The following CNTNAP5 variants were observed in gnomAD, a reference collection of about 807,000 sequenced individuals.
CNTNAP5 encodes the protein contactin associated protein family member 5.
CNTNAP5 carries 72 observed loss-of-function variants against 150.2 expected under a neutral mutation model. The observed-to-expected ratio is 0.48, with a 90% CI of 0.40 to 0.58. CNTNAP5 has a LOEUF of 0.58. Ranked by LOEUF, CNTNAP5 falls within the 20% of genes least tolerant of loss-of-function variation. The probability of loss-of-function intolerance (pLI) is 0.00; values close to 1 mark genes in which losing one functional copy is unlikely to be tolerated. For synonymous variants in CNTNAP5, 672 were observed against 619.8 expected (o/e 1.08, Z -1.25); for missense variants, 1,636 against 1,626.2 (o/e 1.01, Z -0.10).
chr2:124,747,170 A>C, intron 13 of CNTNAP5, 59 bp from the exon 14 acceptor site: 10 of 1,545,998 alleles, frequency 6.5e-6, no homozygotes, highest in Non-Finnish European at 8.9e-6. Context: ...TTTCTGTGCC[A>C]TCCCCTGTGT....
At chr2:124,574,427 A>G (rs1352548375) in intron 11 of CNTNAP5, among the ~76,000 whole-genome samples, 1 of 152,358 alleles carries the variant, frequency 6.6e-6, no homozygotes, top group African/African-American at 2.4e-5. Context: ...TAGCCATTTT[A>G]TAATATTCTA....
chr2:124,484,518 A>C (rs1693826856), intron 7 of CNTNAP5, among the ~76,000 whole-genome samples: 1 of 152,216 alleles, frequency 6.6e-6, no homozygotes, highest in Non-Finnish European at 1.5e-5. Context: ...TGGTAGAGAT[A>C]ATAATGCCTA....
At chr2:124,151,025 G>A (rs1264993680) in intron 1 of CNTNAP5, among the ~76,000 whole-genome samples, 1 of 152,290 alleles carries the variant, frequency 6.6e-6, no homozygotes, top group South Asian at 2.1e-4. Context: ...GTGAATAACA[G>A]GGACACGGTA....
At chr2:124,571,039 T>C (rs996044444) in intron 11 of CNTNAP5, among the ~76,000 whole-genome samples, 2 of 152,216 alleles carry the variant, frequency 1.3e-5, no homozygotes, top group Admixed American at 6.5e-5. Flanking sequence ...CAAAGAAGTA[T>C]TATGAGGACT....
intron 18 of CNTNAP5, among the ~76,000 whole-genome samples, chr2:124,794,477 G>T (rs1681802499): frequency 6.6e-6 from 1 of 152,110 alleles, no homozygotes. Context: ...TAAAATTTTG[G>T]TGTAAATAAT....
At chr2:124,542,421 T>A (rs1448176906) in intron 10 of CNTNAP5, among the ~76,000 whole-genome samples, 1 of 151,810 alleles carries the variant, frequency 6.6e-6, no homozygotes. Flanking sequence ...CATGAAGTTA[T>A]GTCCCAGCTG....
intron 3 of CNTNAP5, among the ~76,000 whole-genome samples, chr2:124,416,704 A>G (rs1480751980): frequency 1.3e-5 from 2 of 151,990 alleles, no homozygotes; most frequent in Non-Finnish European, 2.9e-5. Context: ...AATGGTGATA[A>G]TGATAATGGA....
At chr2:124,058,464 T>C (rs1205827818) in intron 1 of CNTNAP5, among the ~76,000 whole-genome samples, 1 of 152,090 alleles carries the variant, frequency 6.6e-6, no homozygotes, top group Non-Finnish European at 1.5e-5. Flanking sequence ...ATCTCTCCCT[T>C]AGTAAGAGTT....
At chr2:124,431,864 C>G (rs1692397104) in intron 4 of CNTNAP5, among the ~76,000 whole-genome samples, 1 of 151,884 alleles carries the variant, frequency 6.6e-6, no homozygotes, top group African/African-American at 2.4e-5. Context: ...AAACTTAACC[C>G]CAGTCAGACA....
At chr2:124,135,088 CAAG>C (rs904491209) in intron 1 of CNTNAP5, 36 of 152,164 alleles carry the variant, frequency 2.4e-4, no homozygotes, top group Admixed American at 1.8e-3. Flanking sequence ...AATAGAATGG[CAAG>C]AAGAACAAGA....
rs375727363 is a variant in CNTNAP5 at position 124,162,614 on chromosome 2, C to T, written c.83-59091C>T. ...ATTCCTTCTCTTTATTTCTGTCCTA[C>T]CCCCACATGTAGTGTGAAATGAAGA... On this transcript the variant is annotated intron_variant, in intron 1 of 23. Coordinates refer to ENST00000682447, the MANE Select transcript of CNTNAP5 (RefSeq NM_001367498.1). Among the ~76,000 whole-genome samples, 10 of 152,030 alleles carry T rather than the reference C, an allele frequency of 6.6e-5. No individual in the cohort carries two copies. In the East Asian group the frequency reaches 1.4e-3, roughly 21 times the overall value.
At chr2:124,721,767 A>G (rs1680054875) in intron 13 of CNTNAP5, among the ~76,000 whole-genome samples, 1 of 152,200 alleles carries the variant, frequency 6.6e-6, no homozygotes, top group African/African-American at 2.4e-5. Context: ...AATCCTAAAC[A>G]GTACTGATTT....
rs751870841 is a variant in CNTNAP5 at position 124,074,804 on chromosome 2, TATC to T, written c.82+49082_82+49084del. On this transcript the variant is annotated intron_variant, in intron 1 of 23. Coordinates refer to ENST00000682447, the MANE Select transcript of CNTNAP5 (RefSeq NM_001367498.1). ...CAGATCTATTCATCATCATCATCAT[TATC>T]ATCATCATCTATTGTCATTATTATT... 3.7e-4 allele frequency among the ~76,000 whole-genome samples: 56 copies of T among 152,254 alleles called. No individual in the cohort carries two copies. In the East Asian group the frequency reaches 0.01, roughly 27 times the overall value.
chr2:124,210,385 G>A (rs186287443), intron 1 of CNTNAP5, among the ~76,000 whole-genome samples: 1 of 152,016 alleles, frequency 6.6e-6, no homozygotes, highest in Non-Finnish European at 1.5e-5. Context: ...CAGTTCTTCA[G>A]GATAACAAAA....
chr2:124,039,891 A>G (rs968046046), intron 1 of CNTNAP5, among the ~76,000 whole-genome samples: 1 of 152,098 alleles, frequency 6.6e-6, no homozygotes, highest in Admixed American at 6.5e-5. Context: ...ATTTATTTTT[A>G]GTTTTTTTTC....
At chr2:124,356,464 C>G (rs202155277) in intron 3 of CNTNAP5, among the ~76,000 whole-genome samples, 19 of 120,436 alleles carry the variant, frequency 1.6e-4, no homozygotes, top group South Asian at 6.7e-4. Flanking sequence ...CCCCTCCCCC[C>G]ACCCCACCAC....
chr2:124,630,256 G>T (rs4260248), intron 12 of CNTNAP5, among the ~76,000 whole-genome samples: 57,684 of 151,806 alleles, frequency 0.38, 12,848 homozygotes, highest in Non-Finnish European at 0.5. Flanking sequence ...CCAAAACCTG[G>T]CAGAGATAAA....
chr2:124,327,427 C>A (rs1689247109), intron 3 of CNTNAP5, among the ~76,000 whole-genome samples: 1 of 152,136 alleles, frequency 6.6e-6, no homozygotes, highest in South Asian at 2.1e-4. Flanking sequence ...CAAGGTCAAC[C>A]TGAAAAACTA....
chr2:124,738,949 A>G (rs945045858), intron 13 of CNTNAP5, among the ~76,000 whole-genome samples: 1 of 152,166 alleles, frequency 6.6e-6, no homozygotes, highest in Non-Finnish European at 1.5e-5. Context: ...AAGTATTTTT[A>G]TATTCTCCTA....
Sources: gnomAD v4.1 joint callset for allele counts (sites outside exome capture counted in the v4.1 genomes callset) on GRCh38, gnomAD v4.1.1 for gene constraint, MANE v1.5 for transcripts, NCBI Gene and HGNC (gene_info 2026-07-23, HGNC 2026-07-21) for gene names.